EPB41L5: variants seen among roughly 807,000 people sequenced by gnomAD.
The protein encoded by EPB41L5 is band 4.1-like protein 5.
EPB41L5 carries 55 observed loss-of-function variants against 106.6 expected under a neutral mutation model. That is an observed-to-expected ratio of 0.52 (90% CI 0.42 to 0.65). EPB41L5 has a LOEUF of 0.65. Among genes scored for constraint, EPB41L5 ranks in the 30% least tolerant of loss-of-function variants. EPB41L5 has a pLI of 0.00. For missense variants in EPB41L5, 871 were observed against 882.1 expected, an observed-to-expected ratio of 0.99 and a Z score of 0.16; for synonymous variants, 297 against 306.7, an observed-to-expected ratio of 0.97 and a Z score of 0.33.
At chr2:120,135,579 T>C (rs1377718057) in intron 18 of EPB41L5, among the ~76,000 whole-genome samples, 2 of 151,844 alleles carry the variant, frequency 1.3e-5, no homozygotes, top group African/African-American at 2.4e-5. Flanking sequence ...GAAATGTCAG[T>C]GTTAAAGAAT....
chr2:120,163,619 G>A (rs1687242233), intron 21 of EPB41L5, among the ~76,000 whole-genome samples: 2 of 141,878 alleles, frequency 1.4e-5, no homozygotes, highest in South Asian at 2.2e-4. Context: ...TAAGTTCAAA[G>A]TATGATATTA....
chr2:120,127,625 G>A (rs1468356463), intron 16 of EPB41L5, 63 bp from the exon 17 acceptor site: 3 of 1,367,726 alleles, frequency 2.2e-6, no homozygotes, highest in Non-Finnish European at 3.0e-6. Context: ...CAGAGGGTGA[G>A]TAGTGTTTTA....
At position 120,078,526 on chromosome 2, in the gene EPB41L5, A is replaced by C. The variant is rs1682412326; in HGVS notation, c.748A>C (p.Thr250Pro). ...RDGNDYSLGL[T>P]PTGVLVFEGD... is the part of the protein sequence containing the mutation. ...TGGGAATGACTATAGTTTGGGACTA[A>C]CACCAACAGGAGTCCTTGTTTTTGA... Residue 250 changes from threonine to proline, a missense_variant, in exon 10 of 25, where the codon ACA becomes CCA. By Grantham distance (38) the Thr-to-Pro change is conservative (BLOSUM62 -1). Transcript: ENST00000263713. 6.2e-7 allele frequency: 1 copy of C among 1,609,900 alleles called. No individual in the cohort carries two copies. The highest frequency in any genetic ancestry group is 8.5e-7 in the Non-Finnish European group (1 of 1,178,050).
intron 3 of EPB41L5, among the ~76,000 whole-genome samples, chr2:120,051,547 C>T (rs574741772): frequency 5.6e-4 from 85 of 152,230 alleles, no homozygotes; most frequent in African/African-American, 1.5e-3. Flanking sequence ...TTCCAGGTGC[C>T]GCCTGTATTA....
intron 21 of EPB41L5, among the ~76,000 whole-genome samples, chr2:120,163,980 CTTTTTTTTTTTT>C (rs70949387): frequency 1.5e-5 from 1 of 68,140 alleles, no homozygotes; most frequent in Non-Finnish European, 2.7e-5. Flanking sequence ...TTTGTATTTA[CTTTTTTTTTTTT>C]TTTTTTTTGA....
chr2:120,044,960 A>G (rs1046788340), intron 3 of EPB41L5, among the ~76,000 whole-genome samples: 1 of 152,220 alleles, frequency 6.6e-6, no homozygotes, highest in Non-Finnish European at 1.5e-5. Context: ...TAAACTTTTC[A>G]AGTTCTTACT....
chr2:120,137,447 A>G (rs1685975156), intron 18 of EPB41L5, among the ~76,000 whole-genome samples: 1 of 152,080 alleles, frequency 6.6e-6, no homozygotes, highest in African/African-American at 2.4e-5. Flanking sequence ...AAGATAAACA[A>G]AATGGACAAA....
At chr2:120,046,515 T>G (rs1679788669) in intron 3 of EPB41L5, among the ~76,000 whole-genome samples, 1 of 151,898 alleles carries the variant, frequency 6.6e-6, no homozygotes, top group South Asian at 2.1e-4. Context: ...TTTTTTTTTT[T>G]TTCTTGTAAA....
At chr2:120,146,467 CTAAT>C (rs1388213171) in intron 20 of EPB41L5, among the ~76,000 whole-genome samples, 178 bp downstream of exon 20, 1 of 152,172 alleles carries the variant, frequency 6.6e-6, no homozygotes, top group Non-Finnish European at 1.5e-5. Flanking sequence ...GAAGATGTTC[CTAAT>C]TAGTCTCCCA....
chr2:120,067,841 T>C (rs902933062), intron 3 of EPB41L5, among the ~76,000 whole-genome samples: 1 of 152,198 alleles, frequency 6.6e-6, no homozygotes, highest in African/African-American at 2.4e-5. Context: ...GGCACTGGAA[T>C]ATGGGGATAC....
intron 2 of EPB41L5, among the ~76,000 whole-genome samples, chr2:120,028,399 A>G (rs1465224071): frequency 1.3e-5 from 2 of 151,976 alleles, no homozygotes; most frequent in Non-Finnish European, 2.9e-5. Flanking sequence ...GCCAGGTGTC[A>G]TGGTGGACAC....
At chr2:120,116,431 G>A (rs1269127752) in intron 16 of EPB41L5, among the ~76,000 whole-genome samples, 1 of 152,074 alleles carries the variant, frequency 6.6e-6, no homozygotes, top group Non-Finnish European at 1.5e-5. Context: ...CTCAAATTTA[G>A]GAAGATTAGG....
chr2:120,174,225 G>A (rs113022039), intron 24 of EPB41L5, among the ~76,000 whole-genome samples: 62 of 152,326 alleles, frequency 4.1e-4, no homozygotes, highest in African/African-American at 1.4e-3. Context: ...GGAGGCTGAG[G>A]AGGGCAGATG....
intron 16 of EPB41L5, chr2:120,105,266 T>A (rs1209221847): frequency 1.6e-5 from 16 of 978,302 alleles, no homozygotes; most frequent in Non-Finnish European, 1.8e-5. Context: ...TGTCTTTTTT[T>A]AGTTTTCTTT....
chr2:120,177,763 T>C lies in EPB41L5; in HGVS notation c.*2856T>C, dbSNP rs1687970687. On this transcript the variant is annotated 3_prime_UTR_variant, in exon 25 of 25. Coordinates refer to ENST00000263713, the MANE Select transcript of EPB41L5 (RefSeq NM_020909.4). ...AAACTTTTAAAAATATTTCTTATAG[T>C]CTCCTAACATTTGTCTCTAGCCTTT... 6.6e-6 allele frequency: 1 copy of C among 152,212 alleles called. No individual in the cohort carries two copies. The highest frequency in any genetic ancestry group is 6.5e-5 in the Admixed American group (1 of 15,276). 9.4% of individuals were successfully genotyped at this position (152,212 alleles called of 1,614,324 possible). A position where few individuals can be genotyped will look rare whatever the true frequency, so the allele number is the denominator to read the frequency against.
intron 18 of EPB41L5, among the ~76,000 whole-genome samples, chr2:120,139,584 A>T (rs746934917): frequency 2.0e-5 from 3 of 152,114 alleles, no homozygotes; most frequent in Non-Finnish European, 4.4e-5. Context: ...AAGGTGCTCA[A>T]CATCACTGAT....
At chr2:120,134,603 G>C (rs1685845744) in intron 18 of EPB41L5, among the ~76,000 whole-genome samples, 1 of 152,180 alleles carries the variant, frequency 6.6e-6, no homozygotes, top group South Asian at 2.1e-4. Context: ...TGAGAAGAGA[G>C]AGACTTTATG....
intron 3 of EPB41L5, among the ~76,000 whole-genome samples, chr2:120,060,585 A>G (rs1368001485): frequency 1.3e-5 from 2 of 152,226 alleles, no homozygotes; most frequent in African/African-American, 4.8e-5. Flanking sequence ...TTGAGATCAA[A>G]TTAATGGTTG....
rs1312117219 is a variant in EPB41L5 at position 120,041,921 on chromosome 2, T to C, written c.181-85T>C. The stretch of plus-strand genomic sequence containing the variant: ...TGCAAGTCCTCCTTTCTTCAAGAGA[T>C]CTTGTATAACTAAAACCTTCTTTTG... On this transcript the variant is annotated intron_variant, in intron 2 of 24. Transcript: ENST00000263713. 5.3e-6 allele frequency: 5 copies of C among 937,248 alleles called. No individual in the cohort carries two copies. The Admixed American group carries it at 1.1e-4, about 20-fold the overall frequency. The allele number at this position is 937,248 out of a possible 1,614,324, so 58.1% of individuals were successfully genotyped here.
Sources: allele counts gnomAD v4.1 joint callset (sites outside exome capture counted in the v4.1 genomes callset), GRCh38; gene constraint gnomAD v4.1.1; transcripts MANE v1.5; gene names NCBI Gene and HGNC (gene_info 2026-07-23, HGNC 2026-07-21).